Variants in TRMU observed in about 807,000 individuals in gnomAD.
TRMU encodes the protein mitochondrial tRNA-specific 2-thiouridylase 1.
In TRMU, 49 loss-of-function variants were observed where a neutral mutation model predicts 46.9. The observed-to-expected ratio is 1.05, with a 90% CI of 0.83 to 1.33. TRMU has a LOEUF of 1.33. Among genes scored for constraint, TRMU ranks in the 40% most tolerant of loss-of-function variants. The probability of loss-of-function intolerance (pLI) is 0.00; values close to 1 mark genes in which losing one functional copy is unlikely to be tolerated. For missense variants in TRMU, 572 were observed against 532.4 expected, an observed-to-expected ratio of 1.07 and a Z score of -0.73; for synonymous variants, 241 against 200.9, an observed-to-expected ratio of 1.20 and a Z score of -1.69.
At chr22:46,341,661 C>T (rs1371785261) in intron 2 of TRMU, among the ~76,000 whole-genome samples, 1 of 151,970 alleles carries the variant, frequency 6.6e-6, no homozygotes, top group East Asian at 1.9e-4. Context: ...TTTTAAACTC[C>T]CAAAATAGGC....
In TRMU at chr22:46,343,324, A is replaced by G. The variant is rs1012405564; in HGVS notation, c.311A>G (p.His104Arg). Residue 104 changes from histidine (H) to arginine (R), a missense_variant, in exon 3 of 11, where the codon CAC (histidine) becomes CGC (arginine). By Grantham distance (29) the His-to-Arg change is conservative (BLOSUM62 0). Transcript: ENST00000645190. ...AATCCTGACATAGTTTGCAACAAGCACATCAAATTTAGTTGCTTTTTTCAT... is the reference window on the plus strand; with the variant it reads ...AATCCTGACATAGTTTGCAACAAGCGCATCAAATTTAGTTGCTTTTTTCAT... ...TPNPDIVCNKHIKFSCFFHYA... is the reference protein window; with the variant it reads ...TPNPDIVCNKRIKFSCFFHYA... 1 of 1,614,136 alleles carries G rather than the reference A, an allele frequency of 6.2e-7. No homozygotes were observed. Among genetic ancestry groups the G allele is most frequent in the African/African-American group, 1.3e-5 (1 of 75,038 alleles).
At chr22:46,340,037 A>T (rs6008761) in intron 2 of TRMU, among the ~76,000 whole-genome samples, 6,945 of 152,086 alleles carry the variant, frequency 0.046, 532 homozygotes, top group African/African-American at 0.16. Flanking sequence ...TTTGGACTTC[A>T]TGGGGAGGGA....
rs1056393093 is a variant in TRMU at position 46,349,117 on chromosome 22, G to A, written c.479-1174G>A. 2.0e-5 allele frequency among the ~76,000 whole-genome samples: 3 copies of A among 150,402 alleles called. No individual in the cohort carries two copies. The highest frequency in any genetic ancestry group is 4.4e-5 in the Non-Finnish European group (3 of 67,786). The stretch of plus-strand genomic sequence containing the variant: ...TGTGCCACTGCACTCCAGCCTGGGC[G>A]ACAGAGCGAGACTCCATCTCAAAAA... On this transcript the variant is annotated intron_variant, in intron 4 of 10. Coordinates refer to ENST00000645190, the MANE Select transcript of TRMU (RefSeq NM_018006.5). The surrounding 1 kb of genome is among the most constrained non-coding windows in gnomAD (Gnocchi z 4.6).
At chr22:46,355,840 T>C in intron 9 of TRMU, 150 bp from the exon 10 acceptor site, 2 of 1,043,152 alleles carry the variant, frequency 1.9e-6, no homozygotes, top group Non-Finnish European at 2.8e-6. Context: ...CGCAGTGTCC[T>C]GCTGCGTCCA....
intron 3 of TRMU, among the ~76,000 whole-genome samples, chr22:46,344,440 C>T (rs1183152634): frequency 6.6e-6 from 1 of 152,200 alleles, no homozygotes; most frequent in Non-Finnish European, 1.5e-5. Context: ...CCTCCCTGAA[C>T]TGTTGAAATT....
At position 46,356,976 on chromosome 22, in the gene TRMU, A is replaced by T; in HGVS notation, c.1236A>T (p.Glu412Asp). 1.2e-6 allele frequency: 2 copies of T among 1,613,590 alleles called. No homozygotes were observed. Among genetic ancestry groups the T allele is most frequent in the Non-Finnish European group, 1.7e-6 (2 of 1,179,996 alleles). Residue 412 changes from glutamate (E) to aspartate (D), a missense_variant, in exon 11 of 11, where the codon GAA (glutamate) becomes GAT (aspartate). Transcript: ENST00000645190. ...CTGAGAGCCCCAGTGACAGCCCAGA[A>T]GATGGTCCAGGCCTGAGTCCCTTGC... ...MATESPSDSP[E>D]DGPGLSPLL is the part of the protein sequence containing the mutation.
intron 8 of TRMU, chr22:46,355,070 G>C (rs2078555398): frequency 2.9e-6 from 1 of 346,716 alleles, no homozygotes; most frequent in Non-Finnish European, 5.5e-6. Context: ...GCTGGCCCCT[G>C]TCCCTGCGAA....
chr22:46,336,224 C>A lies in TRMU; in HGVS notation c.82+378C>A. ...GTGAGGGGAGCTGGGATCGCCGGGC[C>A]GGGGGCCTGACCTCTGCACACGCTG... On this transcript the variant is annotated intron_variant, in intron 1 of 10. Coordinates refer to ENST00000645190, the MANE Select transcript of TRMU (RefSeq NM_018006.5). This position sits in a 1 kb window ranked among gnomAD's most constrained non-coding sequence, Gnocchi z 4.1. 1 of 1,017,272 alleles carries A rather than the reference C, an allele frequency of 9.8e-7. No homozygotes were observed. The highest frequency in any genetic ancestry group is 1.2e-6 in the Non-Finnish European group (1 of 819,660). The allele number at this position is 1,017,272 out of a possible 1,614,324, so 63.0% of individuals were successfully genotyped here. A position where few individuals can be genotyped will look rare whatever the true frequency, so the allele number is the denominator to read the frequency against.
At chr22:46,343,202 T>C in intron 2 of TRMU, 60 bp from the exon 3 acceptor site, 1 of 1,203,664 alleles carries the variant, frequency 8.3e-7, no homozygotes, top group Non-Finnish European at 1.2e-6. Context: ...TAGTGAACTT[T>C]TTTTTTTTTT....
Position 46,356,032 on chromosome 22 carries a change from T to G in TRMU, c.1061T>G (p.Val354Gly). Reference sequence around the variant, plus strand: ...CTCAATCAAGATGGCACCGTGTGGGTGACAGCTGTGCAGGCTGTGCGTGCC... The same window carrying G: ...CTCAATCAAGATGGCACCGTGTGGGGGACAGCTGTGCAGGCTGTGCGTGCC... The part of the protein sequence containing the change: ...LTLNQDGTVW[V>G]TAVQAVRALA... The change falls in exon 10 of 11, where the codon GTG (valine) becomes GGG (glycine). Residue 354 changes from valine to glycine, a missense_variant. Coordinates refer to ENST00000645190, the MANE Select transcript of TRMU (RefSeq NM_018006.5). 2 of 1,613,974 alleles carry G rather than the reference T, an allele frequency of 1.2e-6. No individual in the cohort carries two copies. The highest frequency in any genetic ancestry group is 1.7e-6 in the Non-Finnish European group (2 of 1,179,978).
chr22:46,355,324 C>A, intron 8 of TRMU, 120 bp from the exon 9 acceptor site: 1 of 1,455,748 alleles, frequency 6.9e-7, no homozygotes, highest in Non-Finnish European at 9.3e-7. Context: ...TCGAGCGGTG[C>A]CAGCACCGTT....
In TRMU at chr22:46,352,002, C is replaced by T. The variant is rs1397821267; in HGVS notation, c.652-119C>T. 7.7e-6 allele frequency: 9 copies of T among 1,169,756 alleles called. No homozygotes were observed. In the South Asian group the frequency reaches 8.6e-5, roughly 11 times the overall value. The allele number at this position is 1,169,756 out of a possible 1,614,324, so 72.5% of individuals were successfully genotyped here. A position where few individuals can be genotyped will look rare whatever the true frequency, so the allele number is the denominator to read the frequency against. On this transcript the variant is annotated intron_variant, in intron 5 of 10. Transcript: ENST00000645190. ...GTGCCGGTGGGCAGCCGGGCCCCTA[C>T]CCTGGAAGCAAAGTGTGGGGTGAGG... is the stretch of plus-strand genomic sequence containing the variant.
chr22:46,339,561 A>G lies in TRMU; in HGVS notation c.248+1617A>G, dbSNP rs79571854. On this transcript the variant is annotated intron_variant, in intron 2 of 10. Transcript: ENST00000645190. This position sits in a 1 kb window ranked among gnomAD's most constrained non-coding sequence, Gnocchi z 4.8. ...TGGGGTGAGGGATAAAAGACTACAC[A>G]TCGGGTACAATGTCCACTGCTTGGG... Among the ~76,000 whole-genome samples, 765 of 152,360 alleles carry G rather than the reference A, an allele frequency of 5.0e-3. 8 individuals are homozygous for G. Among genetic ancestry groups the G allele is most frequent in the African/African-American group, 0.017 (704 of 41,594 alleles).
At chr22:46,353,907 C>G (rs1268138477) in intron 8 of TRMU, 40 bp downstream of exon 8, 3 of 1,595,450 alleles carry the variant, frequency 1.9e-6, no homozygotes, top group African/African-American at 1.3e-5. Flanking sequence ...GGGGCTGGTT[C>G]TGGCAGGGCC....
chr22:46,355,719 G>T, intron 9 of TRMU, 131 bp downstream of exon 9: 1 of 1,476,670 alleles, frequency 6.8e-7, no homozygotes, highest in Non-Finnish European at 9.3e-7. Context: ...ATTACCTAAA[G>T]TATTTAGAAC....
Position 46,337,785 on chromosome 22 carries a change from A to G in TRMU, c.89A>G (p.Gln30Arg). The stretch of plus-strand genomic sequence containing the variant: ...TTGACCTTCCCGCCCGCAGGTTACC[A>G]GGTGACAGGGGTGTTTATGAAGAAC... ...AALLLRRRGY[Q>R]VTGVFMKNWD... The change falls in exon 2 of 11, where the codon CAG (glutamine) becomes CGG (arginine). Residue 30 changes from glutamine to arginine, a missense_variant. Coordinates refer to ENST00000645190, the MANE Select transcript of TRMU (RefSeq NM_018006.5). 1 of 1,614,240 alleles carries G rather than the reference A, an allele frequency of 6.2e-7. No individual in the cohort carries two copies. The highest frequency in any genetic ancestry group is 8.5e-7 in the Non-Finnish European group (1 of 1,180,036).
chr22:46,352,056 G>A lies in TRMU; in HGVS notation c.652-65G>A, dbSNP rs368354167. On this transcript the variant is annotated intron_variant, in intron 5 of 10. Transcript: ENST00000645190. The stretch of plus-strand genomic sequence containing the variant: ...GGAGGCCCCAGGGCCCGCTCAGGAC[G>A]TCTGGGTACAGCTTGGGCCACCGCC... The A allele has an allele frequency of 5.2e-5, 83 of 1,581,244 alleles. No homozygotes were observed. In the African/African-American group the frequency reaches 6.3e-4, roughly 12 times the overall value.
At chr22:46,343,161 G>C (rs989416156) in intron 2 of TRMU, 101 bp from the exon 3 acceptor site, 10 of 840,380 alleles carry the variant, frequency 1.2e-5, no homozygotes. Flanking sequence ...GTTTTGGTAT[G>C]ACAAGGGGAA....
At chr22:46,346,007 A>T (rs1345881193) in intron 3 of TRMU, among the ~76,000 whole-genome samples, 1 of 152,080 alleles carries the variant, frequency 6.6e-6, no homozygotes, top group Non-Finnish European at 1.5e-5. Flanking sequence ...AGCACAAGCA[A>T]TCATCTGCCC....
Sources: allele counts gnomAD v4.1 joint callset (sites outside exome capture counted in the v4.1 genomes callset), GRCh38; gene constraint gnomAD v4.1.1; non-coding constraint Gnocchi (gnomAD v3.1); transcripts MANE v1.5; gene names NCBI Gene and HGNC (gene_info 2026-07-23, HGNC 2026-07-21).